The following TLR5 variants were observed in gnomAD, a reference collection of about 807,000 sequenced individuals.
TLR5 encodes the protein toll-like receptor 5.
For synonymous variants in TLR5, 373 were observed against 384.4 expected, an observed-to-expected ratio of 0.97 and a Z score of 0.35; for missense variants, 944 against 999.8, an observed-to-expected ratio of 0.94 and a Z score of 0.75.
intron 2 of TLR5, among the ~76,000 whole-genome samples, chr1:223,140,253 A>C (rs1657781296): frequency 6.6e-6 from 1 of 152,136 alleles, no homozygotes; most frequent in African/African-American, 2.4e-5. Context: ...GCACACAAAA[A>C]ACGCATGGTC....
At chr1:223,114,439 G>A (rs939172568) in intron 5 of TLR5, among the ~76,000 whole-genome samples, 1 of 152,168 alleles carries the variant, frequency 6.6e-6, no homozygotes, top group African/African-American at 2.4e-5. Flanking sequence ...AGCTCAGAGG[G>A]CAGGAGAATG....
chr1:223,132,677 C>T (rs1302912742), intron 4 of TLR5, 38 bp from the exon 5 acceptor site: 1 of 152,180 alleles, frequency 6.6e-6, no homozygotes, highest in Non-Finnish European at 1.5e-5. Context: ...GAAGAAGAAA[C>T]AAAAAATATT....
In TLR5 at chr1:223,112,764, C is replaced by T. The variant is rs1449902609; in HGVS notation, c.268G>A (p.Ala90Thr). 1 of 1,613,996 alleles carries T rather than the reference C, an allele frequency of 6.2e-7. No individual in the cohort carries two copies. Among genetic ancestry groups the T allele is most frequent in the South Asian group, 1.1e-5 (1 of 91,044 alleles). Residue 90 changes from alanine to threonine, a missense_variant, in exon 6 of 6, where the codon GCC (alanine) becomes ACC (threonine). Transcript: ENST00000642603. ...QYTPLTIDKE[A>T]FRNLPNLRIL... ...CTAAGGTTGGGCAGGTTTCTGAAGG[C>T]CTCCTTGTCAATAGTCAAGGGGGTA...
intron 4 of TLR5, among the ~76,000 whole-genome samples, chr1:223,133,840 A>G (rs1236771046): frequency 1.3e-5 from 2 of 152,184 alleles, no homozygotes; most frequent in Non-Finnish European, 2.9e-5. Context: ...CCTAGAGACC[A>G]GCAGAGGGCG....
At chr1:223,121,212 T>C (rs769151704) in intron 5 of TLR5, among the ~76,000 whole-genome samples, 2 of 152,258 alleles carry the variant, frequency 1.3e-5, no homozygotes, top group African/African-American at 2.4e-5. Flanking sequence ...CATTCACACA[T>C]TGAGACATGT....
rs1656219448 is a variant in TLR5 at position 223,109,545 on chromosome 1, T to C, written c.*910A>G. 6.6e-6 allele frequency: 1 copy of C among 152,170 alleles called. No individual in the cohort carries two copies. Among genetic ancestry groups the C allele is most frequent in the Non-Finnish European group, 1.5e-5 (1 of 68,032 alleles). 9.4% of individuals were successfully genotyped at this position (152,170 alleles called of 1,614,324 possible). A position where few individuals can be genotyped will look rare whatever the true frequency, so the allele number is the denominator to read the frequency against. On this transcript the variant is annotated 3_prime_UTR_variant, in exon 6 of 6. Coordinates refer to ENST00000642603, the MANE Select transcript of TLR5 (RefSeq NM_003268.6). ...GGAAAAGATCTGAGAAGCCCTGACATCCTTGGCCAATTTAATTTTCACAGG... is the reference window on the plus strand; with the variant it reads ...GGAAAAGATCTGAGAAGCCCTGACACCCTTGGCCAATTTAATTTTCACAGG...
rs1460201004 is a variant in TLR5, at chr1:223,127,255, T to C, written c.-5+5220A>G. The C allele has an allele frequency of 2.0e-5, 3 of 152,252 alleles. No individual in the cohort carries two copies. The East Asian group carries it at 5.8e-4, about 29-fold the overall frequency. The allele number at this position is 152,252 out of a possible 1,614,324, so 9.4% of individuals were successfully genotyped here. ...CAGGTGGAAGCTATAGAGGGAATGCTTCTCCTGGCAGGTGCTGGGCCCAAA... is the reference window on the plus strand; with the variant it reads ...CAGGTGGAAGCTATAGAGGGAATGCCTCTCCTGGCAGGTGCTGGGCCCAAA... On this transcript the variant is annotated intron_variant, in intron 5 of 5. Coordinates refer to ENST00000642603, the MANE Select transcript of TLR5 (RefSeq NM_003268.6).
intron 3 of TLR5, among the ~76,000 whole-genome samples, chr1:223,136,787 G>A (rs755561941): frequency 3.0e-4 from 45 of 152,130 alleles, no homozygotes; most frequent in Non-Finnish European, 5.7e-4. Context: ...CTTTGCATGT[G>A]GCAGATTGCT....
In TLR5 at chr1:223,112,686, G is replaced by A. The variant is rs1558119320; in HGVS notation, c.346C>T (p.Gln116Ter). The change falls in exon 6 of 6, where the codon CAG (glutamine) becomes TAG (stop). Residue 116 changes from glutamine to a stop codon, truncating the protein, a stop_gained. Coordinates refer to ENST00000642603, the MANE Select transcript of TLR5 (RefSeq NM_003268.6). LOFTEE classifies it low-confidence loss of function (END_TRUNC). ...AGTTCAAACAGATGGAACAGTCCCT[G>A]AAAAGCATCTGGATGCAAGAAGTAT... The part of the protein sequence containing the change: ...KIYFLHPDAF[Q>*]GLFHLFELRL... 6.2e-7 allele frequency: 1 copy of A among 1,614,234 alleles called. No homozygotes were observed. The highest frequency in any genetic ancestry group is 8.5e-7 in the Non-Finnish European group (1 of 1,180,034).
In TLR5 at chr1:223,135,851, T is replaced by C. The variant is rs5744142; in HGVS notation, c.-352-987A>G. Among the ~76,000 whole-genome samples, 185 of 152,208 alleles carry C rather than the reference T, an allele frequency of 1.2e-3. 2 individuals are homozygous for C. The highest frequency in any genetic ancestry group is 9.5e-3 in the East Asian group (49 of 5,180). On this transcript the variant is annotated intron_variant, in intron 3 of 5. Coordinates refer to ENST00000642603, the MANE Select transcript of TLR5 (RefSeq NM_003268.6). ...ATCCTAGCTTTAAATAGCAACTTTTTCCCCCCTCAAGAAATTACCCTCAGA... is the reference window on the plus strand; with the variant it reads ...ATCCTAGCTTTAAATAGCAACTTTTCCCCCCCTCAAGAAATTACCCTCAGA...
intron 5 of TLR5, among the ~76,000 whole-genome samples, chr1:223,121,453 A>T (rs1470622495): frequency 6.6e-6 from 1 of 152,166 alleles, no homozygotes; most frequent in African/African-American, 2.4e-5. Context: ...CACATTCCTT[A>T]CAGGCACTCT....
chr1:223,137,917 C>T (rs1657674657), intron 2 of TLR5, among the ~76,000 whole-genome samples: 1 of 147,154 alleles, frequency 6.8e-6, no homozygotes, highest in African/African-American at 2.5e-5. Flanking sequence ...AGTAACTAGC[C>T]TCTCTTTAAC....
At chr1:223,142,458 CAG>C (rs1428279799) in intron 1 of TLR5, among the ~76,000 whole-genome samples, 1 of 152,204 alleles carries the variant, frequency 6.6e-6, no homozygotes, top group Non-Finnish European at 1.5e-5. Context: ...TCCCACCCAA[CAG>C]GGCCTCAGCG....
Position 223,136,928 on chromosome 1 carries a change from A to G in TLR5, c.-353+250T>C, listed in dbSNP as rs572414445. ...ACCTTGAACTCCCCCGGCTCAGGTGATCCTCCCACCTCAGCTTCCCAAGTA... is the reference window on the plus strand; with the variant it reads ...ACCTTGAACTCCCCCGGCTCAGGTGGTCCTCCCACCTCAGCTTCCCAAGTA... On this transcript the variant is annotated intron_variant, in intron 3 of 5. Coordinates refer to ENST00000642603, the MANE Select transcript of TLR5 (RefSeq NM_003268.6). Among the ~76,000 whole-genome samples, 47 of 152,048 alleles carry G rather than the reference A, an allele frequency of 3.1e-4. 1 individual carries two copies. Among genetic ancestry groups the G allele is most frequent in the East Asian group, 5.8e-4 (3 of 5,154 alleles).
intron 1 of TLR5, 99 bp from the exon 2 acceptor site, chr1:223,141,862 G>A (rs1162651718): frequency 1.3e-5 from 2 of 148,894 alleles, no homozygotes; most frequent in Non-Finnish European, 3.0e-5. Flanking sequence ...GAGAGAAAGA[G>A]AGAGAGAGAG....
At chr1:223,117,901 A>C (rs182466035) in intron 5 of TLR5, among the ~76,000 whole-genome samples, 3 of 152,340 alleles carry the variant, frequency 2.0e-5, no homozygotes, top group Admixed American at 2.0e-4. Flanking sequence ...AGTGCCACAT[A>C]TGTGATTCTC....
chr1:223,110,265 A>G lies in TLR5; in HGVS notation c.*190T>C, dbSNP rs1353206344. On this transcript the variant is annotated 3_prime_UTR_variant, in exon 6 of 6. Coordinates refer to ENST00000642603, the MANE Select transcript of TLR5 (RefSeq NM_003268.6). Reference sequence around the variant, plus strand: ...AGGGCAGTTGCAATTTTCTAGATCTATTATTTTCCATTTGGAGGTTAGTGA... The same window carrying G: ...AGGGCAGTTGCAATTTTCTAGATCTGTTATTTTCCATTTGGAGGTTAGTGA... 4.7e-6 allele frequency: 3 copies of G among 634,720 alleles called. No individual in the cohort carries two copies. The highest frequency in any genetic ancestry group is 5.4e-6 in the Non-Finnish European group (2 of 369,942). The allele number at this position is 634,720 out of a possible 1,614,324, so 39.3% of individuals were successfully genotyped here.
intron 5 of TLR5, among the ~76,000 whole-genome samples, chr1:223,121,758 A>C (rs187111293): frequency 3.3e-5 from 5 of 152,302 alleles, no homozygotes; most frequent in Non-Finnish European, 7.4e-5. Context: ...GGGCTCAAGC[A>C]ATCAGCCCAC....
At position 223,111,367 on chromosome 1, in the gene TLR5, T is replaced by C. The variant is rs1448495120; in HGVS notation, c.1665A>G (p.Ile555Met). ...TAGGAGCTAGGAGCTGGTTCCTGGA[T>C]ATGTCCAGGATCTCTAAATTAGCAG... The part of the protein sequence containing the change: ...DLPANLEILD[I>M]SRNQLLAPNP... The change falls in exon 6 of 6, where the codon ATA becomes ATG. Residue 555 changes from isoleucine (I) to methionine (M), a missense_variant. Ile to Met is a conservative substitution (Grantham distance 10, BLOSUM62 1). Coordinates refer to ENST00000642603, the MANE Select transcript of TLR5 (RefSeq NM_003268.6). 6.2e-7 allele frequency: 1 copy of C among 1,613,888 alleles called. No homozygotes were observed. Among genetic ancestry groups the C allele is most frequent in the Non-Finnish European group, 8.5e-7 (1 of 1,179,890 alleles).
Sources: gnomAD v4.1 joint callset for allele counts (sites outside exome capture counted in the v4.1 genomes callset) on GRCh38, gnomAD v4.1.1 for gene constraint, MANE v1.5 for transcripts, NCBI Gene and HGNC (gene_info 2026-07-23, HGNC 2026-07-21) for gene names.